Variants in RYR2 observed in about 807,000 individuals in gnomAD.
RYR2 encodes the protein ryanodine receptor 2, also known as cardiac muscle ryanodine receptor-calcium release channel.
Under a neutral mutation model 601.1 loss-of-function variants are expected in RYR2, and 227 were observed. That is an observed-to-expected ratio of 0.38 (90% confidence interval 0.34 to 0.42). The LOEUF (loss-of-function observed/expected upper bound fraction) is 0.42, where lower values mean the gene tolerates loss of function less well. Among genes scored for constraint, RYR2 ranks in the 10% least tolerant of loss-of-function variants. RYR2 has a pLI of 1.00. For synonymous variants in RYR2, 2,223 were observed against 2,175.1 expected (o/e 1.02, Z -0.61); for missense variants, 4,646 against 6,156.5 (o/e 0.75, Z 8.21).
intron 29 of RYR2, among the ~76,000 whole-genome samples, chr1:237,577,551 T>A (rs1346350915): frequency 7.7e-6 from 1 of 129,528 alleles, no homozygotes; most frequent in African/African-American, 2.7e-5. Context: ...TGTGTGTGTT[T>A]GAGAGAGAGA....
chr1:237,104,070 C>T (rs16834824), intron 1 of RYR2, among the ~76,000 whole-genome samples: 6,213 of 152,150 alleles, frequency 0.041, 183 homozygotes, highest in East Asian at 0.094. Context: ...GCAAATGCAT[C>T]GGTTCCTCAT....
chr1:237,377,366 A>T lies in RYR2; in HGVS notation c.507A>T (p.Arg169=). ...CCATACACCCTGCCTCTAAGCAGCGATCAGAAGGAGAAAAAGTACGAGTTG... is the reference window on the plus strand; with the variant it reads ...CCATACACCCTGCCTCTAAGCAGCGTTCAGAAGGAGAAAAAGTACGAGTTG... ...WWTIHPASKQ[R]SEGEKVRVGD... The change falls in exon 8 of 105, where the codon CGA becomes CGT. Residue 169 remains arginine, a synonymous_variant. Transcript: ENST00000366574. 6.2e-7 allele frequency: 1 copy of T among 1,613,712 alleles called. No homozygotes were observed.
chr1:237,598,783 A>G (rs1676169358), intron 34 of RYR2, among the ~76,000 whole-genome samples: 1 of 152,152 alleles, frequency 6.6e-6, no homozygotes, highest in African/African-American at 2.4e-5. Context: ...AAATTAATAG[A>G]AGTAAATAAA....
chr1:237,394,516 C>T (rs1702652148), intron 10 of RYR2, among the ~76,000 whole-genome samples: 1 of 152,240 alleles, frequency 6.6e-6, no homozygotes, highest in South Asian at 2.1e-4. Context: ...TGCTTTAGCA[C>T]CTGCCTGCGG....
At chr1:237,678,736 G>A (rs189443103) in intron 61 of RYR2, among the ~76,000 whole-genome samples, 157 of 152,300 alleles carry the variant, frequency 1.0e-3, no homozygotes, top group African/African-American at 3.2e-3. Context: ...CATTTACTTA[G>A]TATTTACTGT....
intron 1 of RYR2, among the ~76,000 whole-genome samples, chr1:237,172,712 C>G (rs765476226): frequency 2.6e-5 from 4 of 152,172 alleles, no homozygotes; most frequent in African/African-American, 4.8e-5. Flanking sequence ...TGTACTCACT[C>G]TGCGTTAGCA....
chr1:237,774,974 C>T (rs974043273), intron 87 of RYR2, among the ~76,000 whole-genome samples: 4 of 125,056 alleles, frequency 3.2e-5, no homozygotes, highest in African/African-American at 1.4e-4. Flanking sequence ...TTACTATATG[C>T]AAAACTCTAG....
rs1687854490 is a variant in RYR2, at chr1:237,700,299, G to A, written c.9199G>A (p.Asp3067Asn). 6.3e-7 allele frequency: 1 copy of A among 1,592,882 alleles called. No homozygotes were observed. Among genetic ancestry groups the A allele is most frequent in the African/African-American group, 1.3e-5 (1 of 74,552 alleles). Reference sequence around the variant, plus strand: ...AGCTTTTCTGGACAACGCTGCAGAGGATCTGGAGAAGACCATGGAAAACCT... The same window carrying A: ...AGCTTTTCTGGACAACGCTGCAGAGAATCTGGAGAAGACCATGGAAAACCT... ...LRAFLDNAAE[D>N]LEKTMENLKQ... Residue 3067 changes from aspartate to asparagine, a missense_variant, in exon 65 of 105, where the codon GAT (aspartate) becomes AAT (asparagine). Physicochemically the swap from Asp to Asn is conservative, Grantham distance 23. Coordinates refer to ENST00000366574, the MANE Select transcript of RYR2 (RefSeq NM_001035.3).
At chr1:237,356,414 T>G (rs1376257034) in intron 4 of RYR2, among the ~76,000 whole-genome samples, 7 of 148,352 alleles carry the variant, frequency 4.7e-5, no homozygotes, top group Non-Finnish European at 7.4e-5. Flanking sequence ...TATATAGTCA[T>G]AGAAAGTCAT....
Position 237,759,841 on chromosome 1 carries a change from G to T in RYR2, c.11391G>T (p.Met3797Ile), listed in dbSNP as rs1310948279. The change falls in exon 83 of 105, where the codon ATG (methionine) becomes ATT (isoleucine). Residue 3797 changes from methionine to isoleucine, a missense_variant. Around this residue, in one of 17 missense-constraint regions of RYR2, gnomAD observed 1,497 missense variants for 1,842.6 expected, o/e 0.81. Coordinates refer to ENST00000366574, the MANE Select transcript of RYR2 (RefSeq NM_001035.3). ...VGFFQSLAGL[M>I]QSCSVLDLNA... is the part of the protein sequence containing the mutation. ...TCTTTCAGAGCCTGGCCGGCCTGAT[G>T]CAGTCATGTAGGTAAGGACTCACTT... The T allele has an allele frequency of 6.2e-7, 1 of 1,610,378 alleles. No homozygotes were observed.
chr1:237,557,504 T>C (rs1187333526), intron 27 of RYR2, among the ~76,000 whole-genome samples: 1 of 151,532 alleles, frequency 6.6e-6, no homozygotes, highest in Non-Finnish European at 1.5e-5. Context: ...CGACCAGATG[T>C]AGAGTGGAGT....
intron 2 of RYR2, among the ~76,000 whole-genome samples, chr1:237,290,803 G>A (rs1572493431): frequency 1.3e-5 from 2 of 152,072 alleles, no homozygotes; most frequent in Non-Finnish European, 1.5e-5. Flanking sequence ...AAGAAAGAAA[G>A]AATATCCAAG....
intron 1 of RYR2, among the ~76,000 whole-genome samples, chr1:237,128,231 A>C (rs1204191483): frequency 1.3e-5 from 2 of 152,292 alleles, no homozygotes; most frequent in Admixed American, 6.5e-5. Flanking sequence ...AAAACCAGTC[A>C]GGCGTGGCGG....
chr1:237,399,961 C>G (rs1572148859), intron 10 of RYR2, among the ~76,000 whole-genome samples: 1 of 151,908 alleles, frequency 6.6e-6, no homozygotes, highest in East Asian at 1.9e-4. Context: ...AGGCTAAACC[C>G]TTTGAAGAGA....
intron 80 of RYR2, among the ~76,000 whole-genome samples, chr1:237,753,585 C>T (rs144674275): frequency 6.6e-6 from 1 of 152,166 alleles, no homozygotes; most frequent in Non-Finnish European, 1.5e-5. Flanking sequence ...CTTGGTTGCT[C>T]TTGGCAATCA....
At chr1:237,109,730 A>G (rs568324490) in intron 1 of RYR2, among the ~76,000 whole-genome samples, 1 of 94,750 alleles carries the variant, frequency 1.1e-5, no homozygotes, top group South Asian at 4.6e-4. Context: ...TCAAAAAAAA[A>G]AATAATAATA....
chr1:237,568,383 A>G (rs1258300837), intron 28 of RYR2, among the ~76,000 whole-genome samples: 1 of 152,224 alleles, frequency 6.6e-6, no homozygotes, highest in Non-Finnish European at 1.5e-5. Context: ...CTGAAAAAAA[A>G]ATTCACATAA....
At chr1:237,402,809 T>TGAGC (rs1221742792) in intron 10 of RYR2, among the ~76,000 whole-genome samples, 5 of 149,280 alleles carry the variant, frequency 3.3e-5, no homozygotes, top group East Asian at 1.9e-4. Flanking sequence ...AGACTCAGAG[T>TGAGC]CTTACTCTAT....
At chr1:237,546,175 A>G (rs918616147) in intron 25 of RYR2, among the ~76,000 whole-genome samples, 1 of 152,136 alleles carries the variant, frequency 6.6e-6, no homozygotes, top group Admixed American at 6.5e-5. Flanking sequence ...CAAAAGCTAC[A>G]GTTAATTGCC....
Sources: gnomAD v4.1 joint callset for allele counts (sites outside exome capture counted in the v4.1 genomes callset) on GRCh38, gnomAD v4.1.1 for gene constraint, gnomAD v4.1.1 regional missense constraint, MANE v1.5 for transcripts, NCBI Gene and HGNC (gene_info 2026-07-23, HGNC 2026-07-21) for gene names.